ZFHX3: variants seen among roughly 807,000 people sequenced by gnomAD.
ZFHX3 encodes the protein zinc finger homeobox protein 3.
Under a neutral mutation model 279.1 loss-of-function variants are expected in ZFHX3, and 42 were observed. The ratio of observed to expected loss-of-function variants is 0.15; its 90% CI spans 0.12 to 0.19. ZFHX3 has a LOEUF of 0.19. ZFHX3 is among the 10% of genes least tolerant of loss of function. The probability of loss-of-function intolerance (pLI) is 1.00; values close to 1 mark genes in which losing one functional copy is unlikely to be tolerated. For synonymous variants in ZFHX3, 2,293 were observed against 1,957.8 expected (o/e 1.17, Z -4.52); for missense variants, 4,981 against 4,754.0 (o/e 1.05, Z -1.40).
chr16:73,631,923 T>TCA (rs1335020758), intron 2 of ZFHX3, among the ~76,000 whole-genome samples: 1,188 of 101,788 alleles, frequency 0.012, 11 homozygotes, highest in African/African-American at 0.038. Flanking sequence ...TCTCTCTCTC[T>TCA]CTCTCACACA....
chr16:73,469,253 G>T (rs2018621686), intron 2 of ZFHX3, among the ~76,000 whole-genome samples: 1 of 152,126 alleles, frequency 6.6e-6, no homozygotes, highest in African/African-American at 2.4e-5. Flanking sequence ...ACAAAAGCTG[G>T]AATAGAGCAA....
intron 1 of ZFHX3, among the ~76,000 whole-genome samples, chr16:73,816,761 G>C (rs1175136847): frequency 6.6e-6 from 1 of 152,174 alleles, no homozygotes; most frequent in Admixed American, 6.5e-5. Context: ...TAGAGGACCA[G>C]ACTGGATGGT....
chr16:73,883,135 G>T (rs1391032065), intron 1 of ZFHX3, among the ~76,000 whole-genome samples: 3 of 151,486 alleles, frequency 2.0e-5, no homozygotes, highest in Non-Finnish European at 4.4e-5. Context: ...CTTTTTTTAA[G>T]GTGGGCAATT....
chr16:73,538,853 T>A (rs994822519), intron 2 of ZFHX3, among the ~76,000 whole-genome samples: 7 of 152,172 alleles, frequency 4.6e-5, no homozygotes, highest in African/African-American at 1.4e-4. Flanking sequence ...AATAAACATG[T>A]CTTGGATAGG....
chr16:73,201,424 C>T lies in ZFHX3; in HGVS notation c.-1104+55623G>A, dbSNP rs118056623. Among the ~76,000 whole-genome samples, 1,044 of 152,306 alleles carry T rather than the reference C, an allele frequency of 6.9e-3. 5 individuals are homozygous for T. Among genetic ancestry groups the T allele is most frequent in the Middle Eastern group, 0.017 (5 of 294 alleles). ...TTTTAGTCTATGAATTAAAACACTG[C>T]CATTTTTACTTAAGCTAATGTGAAT... On this transcript the variant is annotated intron_variant, in intron 5 of 17. Coordinates refer to the ZFHX3 transcript ENST00000641206.
intron 5 of ZFHX3, among the ~76,000 whole-genome samples, chr16:73,147,052 T>A (rs1966866854): frequency 6.6e-6 from 1 of 152,200 alleles, no homozygotes; most frequent in Non-Finnish European, 1.5e-5. Context: ...TTGTTTTTCT[T>A]GGAAAAGAAC....
intron 2 of ZFHX3, among the ~76,000 whole-genome samples, chr16:73,648,382 G>C (rs919663663): frequency 6.6e-6 from 1 of 152,056 alleles, no homozygotes; most frequent in African/African-American, 2.4e-5. Flanking sequence ...GCTAATTGTA[G>C]TTTTTAATTT....
chr16:73,110,754 G>C (rs1966362928), intron 7 of ZFHX3, among the ~76,000 whole-genome samples: 1 of 152,018 alleles, frequency 6.6e-6, no homozygotes, highest in Non-Finnish European at 1.5e-5. Flanking sequence ...TGTAGAGATA[G>C]GGTCTCCCAT....
intron 8 of ZFHX3, among the ~76,000 whole-genome samples, chr16:73,074,845 G>A (rs1965868169): frequency 6.6e-6 from 1 of 151,892 alleles, no homozygotes; most frequent in South Asian, 2.1e-4. Context: ...CTGTCACCTA[G>A]GCTGGAGTGC....
intron 3 of ZFHX3, among the ~76,000 whole-genome samples, chr16:73,319,532 T>G (rs1201909200): frequency 6.6e-6 from 1 of 151,318 alleles, no homozygotes; most frequent in Non-Finnish European, 1.5e-5. Context: ...GGAGTCCCGC[T>G]GGGGGAAGCT....
chr16:72,855,807 G>C (rs1016734051), intron 4 of ZFHX3, among the ~76,000 whole-genome samples: 1 of 152,138 alleles, frequency 6.6e-6, no homozygotes, highest in Non-Finnish European at 1.5e-5. Context: ...TAGGAAATCA[G>C]AAAGGCAACT....
chr16:73,284,845 T>C (rs2014553393), intron 4 of ZFHX3, among the ~76,000 whole-genome samples: 1 of 151,984 alleles, frequency 6.6e-6, no homozygotes. Context: ...GGGTGCTTTG[T>C]TTTTGTTTTG....
chr16:73,124,675 G>A (rs1966540742), intron 7 of ZFHX3, among the ~76,000 whole-genome samples: 1 of 152,198 alleles, frequency 6.6e-6, no homozygotes, highest in Non-Finnish European at 1.5e-5. Context: ...AGTTTATAAA[G>A]GGACTATTAC....
intron 1 of ZFHX3, among the ~76,000 whole-genome samples, chr16:73,730,005 G>T (rs2053555337): frequency 6.6e-6 from 1 of 152,114 alleles, no homozygotes; most frequent in Non-Finnish European, 1.5e-5. Context: ...ACTAAGAATG[G>T]TATGGAAGCC....
intron 5 of ZFHX3, among the ~76,000 whole-genome samples, chr16:73,149,408 A>C (rs1469369511): frequency 6.6e-6 from 1 of 152,050 alleles, no homozygotes; most frequent in East Asian, 1.9e-4. Context: ...GATCACTTCC[A>C]TATTATTCTA....
At chr16:73,399,585 G>C (rs550334930) in intron 3 of ZFHX3, among the ~76,000 whole-genome samples, 1 of 152,264 alleles carries the variant, frequency 6.6e-6, no homozygotes, top group Non-Finnish European at 1.5e-5. Flanking sequence ...AGTTTATTCA[G>C]GAGTATTGAC....
intron 3 of ZFHX3, among the ~76,000 whole-genome samples, chr16:73,391,616 T>C (rs1183016199): frequency 2.6e-5 from 4 of 151,998 alleles, no homozygotes; most frequent in Non-Finnish European, 1.5e-5. Context: ...TACTACCAGG[T>C]GGAGGCAAAA....
chr16:72,954,914 CAT>C (rs1044132648), intron 2 of ZFHX3, among the ~76,000 whole-genome samples: 2 of 152,328 alleles, frequency 1.3e-5, no homozygotes, highest in Middle Eastern at 3.4e-3. Flanking sequence ...TTCACAAAAA[CAT>C]TTTTCTCCCT....
In ZFHX3 at chr16:72,793,483, A is replaced by G; in HGVS notation, c.9199T>C (p.Phe3067Leu). The part of the protein sequence containing the change: ...GSQLDKEKEY[F>L]DPATVRQLMA... ...AACTGACGTACGGTGGCTGGGTCAA[A>G]GTATTCTTTCTCCTTGTCCAGCTGG... Residue 3067 changes from phenylalanine to leucine, a missense_variant, in exon 9 of 10, where the codon TTT (phenylalanine) becomes CTT (leucine). This residue lies in a region of ZFHX3 where 168 missense variants were observed against 249.1 expected (regional missense o/e 0.67). Coordinates refer to ENST00000268489, the MANE Select transcript of ZFHX3 (RefSeq NM_006885.4). The surrounding 1 kb of genome is among the most constrained non-coding windows in gnomAD (Gnocchi z 4.3). 1 of 1,614,198 alleles carries G rather than the reference A, an allele frequency of 6.2e-7. No individual in the cohort carries two copies. The highest frequency in any genetic ancestry group is 8.5e-7 in the Non-Finnish European group (1 of 1,180,034).
Sources: gnomAD v4.1 joint callset for allele counts (sites outside exome capture counted in the v4.1 genomes callset) on GRCh38, gnomAD v4.1.1 for gene constraint, gnomAD v4.1.1 regional missense constraint, Gnocchi (gnomAD v3.1) non-coding constraint, MANE v1.5 for transcripts, NCBI Gene and HGNC (gene_info 2026-07-23, HGNC 2026-07-21) for gene names.